Variants in PAX5 observed in about 807,000 individuals in gnomAD.
The protein encoded by PAX5 is paired box protein Pax-5.
PAX5 carries 9 observed loss-of-function variants against 43.7 expected under a neutral mutation model. That is an observed-to-expected ratio of 0.21 (90% CI 0.12 to 0.36). The LOEUF (loss-of-function observed/expected upper bound fraction) is 0.36. PAX5 is among the 10% of genes least tolerant of loss of function. The pLI is 1.00. For missense variants in PAX5, 383 were observed against 532.7 expected (o/e 0.72, Z 2.77); for synonymous variants, 228 against 214.3 (o/e 1.06, Z -0.56).
intron 7 of PAX5, among the ~76,000 whole-genome samples, chr9:36,896,004 G>A (rs1356152431): frequency 6.6e-6 from 1 of 152,110 alleles, no homozygotes; most frequent in Non-Finnish European, 1.5e-5. Flanking sequence ...GTGCCCTCGG[G>A]CAGGTCCCCT....
At chr9:36,886,728 G>A (rs985197324) in intron 7 of PAX5, among the ~76,000 whole-genome samples, 1 of 152,104 alleles carries the variant, frequency 6.6e-6, no homozygotes, top group Non-Finnish European at 1.5e-5. Flanking sequence ...CAATGGCACT[G>A]AATGTTATTG....
In PAX5 at chr9:37,019,537, C is replaced by T. The variant is rs116320774; in HGVS notation, c.212+1099G>A. Among the ~76,000 whole-genome samples the T allele has an allele frequency of 2.8e-3, 424 of 152,316 alleles. 1 individual carries two copies. The highest frequency in any genetic ancestry group is 9.7e-3 in the African/African-American group (404 of 41,548). ...CCAAGGTTATTAGAAGCTGTTGCTC[C>T]TTCCATCTGAGAGAATTTCTTGAAT... On this transcript the variant is annotated intron_variant, in intron 2 of 9. Transcript: ENST00000358127.
intron 5 of PAX5, among the ~76,000 whole-genome samples, chr9:36,974,390 T>C (rs940291461): frequency 8.5e-5 from 13 of 152,198 alleles, no homozygotes; most frequent in African/African-American, 3.1e-4. Flanking sequence ...TGTCAGGCAC[T>C]GAGCCAAGTT....
rs2132408588 is a variant in PAX5, at chr9:37,003,954, T to G, written c.476-1178A>C. On this transcript the variant is annotated intron_variant, in intron 4 of 9. Coordinates refer to ENST00000358127, the MANE Select transcript of PAX5 (RefSeq NM_016734.3). ...TAAACAATGAAGAGCAATAATATACTTCACATGAATGCAGTACTTTTCATT... is the reference window on the plus strand; with the variant it reads ...TAAACAATGAAGAGCAATAATATACGTCACATGAATGCAGTACTTTTCATT... Among the ~76,000 whole-genome samples, 3 of 152,394 alleles carry G rather than the reference T, an allele frequency of 2.0e-5. 1 individual carries two copies. The South Asian group carries it at 6.2e-4, about 32-fold the overall frequency.
At chr9:36,991,108 CAAAAAAA>C (rs58025570) in intron 5 of PAX5, among the ~76,000 whole-genome samples, 6 of 142,914 alleles carry the variant, frequency 4.2e-5, no homozygotes, top group Non-Finnish European at 4.6e-5. Context: ...GACCTTGTCT[CAAAAAAA>C]AAAAAAAAAA....
At chr9:36,951,179 G>C (rs979560339) in intron 6 of PAX5, among the ~76,000 whole-genome samples, 8 of 152,176 alleles carry the variant, frequency 5.3e-5, no homozygotes, top group Non-Finnish European at 1.2e-4. Flanking sequence ...TTCCTTCCAG[G>C]AGTTCAAAAA....
intron 5 of PAX5, among the ~76,000 whole-genome samples, chr9:36,973,344 G>C (rs1835136369): frequency 6.6e-6 from 1 of 152,124 alleles, no homozygotes; most frequent in Admixed American, 6.5e-5. Flanking sequence ...TGCCTCCCTT[G>C]TGAAGATGGG....
chr9:36,861,247 C>G (rs1406152124), intron 8 of PAX5: 1 of 151,722 alleles, frequency 6.6e-6, no homozygotes, highest in African/African-American at 2.4e-5. Context: ...TGAGGGCCTA[C>G]TAGGTACCAG....
At chr9:36,874,637 C>G (rs1468682926) in intron 8 of PAX5, among the ~76,000 whole-genome samples, 1 of 152,210 alleles carries the variant, frequency 6.6e-6, no homozygotes, top group Non-Finnish European at 1.5e-5. Context: ...TTGCACCAAC[C>G]ACAGCTGCCT....
chr9:36,978,669 A>T (rs1342733042), intron 5 of PAX5, among the ~76,000 whole-genome samples: 2 of 152,204 alleles, frequency 1.3e-5, no homozygotes, highest in Non-Finnish European at 1.5e-5. Flanking sequence ...TCATTGCACA[A>T]ATGTTTTCAG....
In PAX5 at chr9:36,934,947, G is replaced by A. The variant is rs528601118; in HGVS notation, c.781-11463C>T. On this transcript the variant is annotated intron_variant, in intron 6 of 9. Transcript: ENST00000358127. ...ACCATGGCCTGGCTCTTCCAACGGT[G>A]CCAGAGGTGCTTCCCAGGGTCACTG... Among the ~76,000 whole-genome samples the A allele has an allele frequency of 6.6e-5, 10 of 152,350 alleles. No individual in the cohort carries two copies. The South Asian group carries it at 2.1e-3, about 32-fold the overall frequency.
intron 7 of PAX5, among the ~76,000 whole-genome samples, chr9:36,898,587 C>T (rs995601426): frequency 6.6e-6 from 1 of 152,194 alleles, no homozygotes; most frequent in African/African-American, 2.4e-5. Flanking sequence ...AGCTTCTTGA[C>T]GGGAAATGCT....
chr9:36,892,188 G>A (rs553952101), intron 7 of PAX5, among the ~76,000 whole-genome samples: 123 of 152,296 alleles, frequency 8.1e-4, no homozygotes, highest in African/African-American at 2.6e-3. Flanking sequence ...CTGCCACGAC[G>A]GGGACTGCTC....
chr9:36,862,429 G>A (rs114740663), intron 8 of PAX5, among the ~76,000 whole-genome samples: 3 of 152,276 alleles, frequency 2.0e-5, no homozygotes, highest in East Asian at 3.9e-4. Flanking sequence ...TCTGGGGTGG[G>A]AATAGATGCG....
At chr9:36,980,774 A>G (rs115424519) in intron 5 of PAX5, among the ~76,000 whole-genome samples, 99 of 152,188 alleles carry the variant, frequency 6.5e-4, no homozygotes, top group African/African-American at 2.2e-3. Context: ...GGTGATTAGG[A>G]GAGAAGGTAT....
In PAX5 at chr9:37,030,013, C is replaced by T. The variant is rs573215323; in HGVS notation, c.46+3973G>A. On this transcript the variant is annotated intron_variant, in intron 1 of 9. Transcript: ENST00000358127. ...TCGAAGAACTCGGCTGGAATATGCC[C>T]GCACACGCAGGTTTTCCTTCGGATA... 3.3e-5 allele frequency among the ~76,000 whole-genome samples: 5 copies of T among 152,214 alleles called. No individual in the cohort carries two copies. In the East Asian group the frequency reaches 9.6e-4, roughly 29 times the overall value.
chr9:36,943,529 TAC>T (rs1554668821), intron 6 of PAX5, among the ~76,000 whole-genome samples: 9,518 of 145,932 alleles, frequency 0.065, 833 homozygotes, highest in African/African-American at 0.2. Flanking sequence ...TAGTTCAACA[TAC>T]ACACACACAC....
At chr9:36,990,416 A>T (rs1836827331) in intron 5 of PAX5, among the ~76,000 whole-genome samples, 1 of 152,086 alleles carries the variant, frequency 6.6e-6, no homozygotes, top group Non-Finnish European at 1.5e-5. Context: ...AAAAGAGGAG[A>T]GTGGAGAGGG....
At chr9:36,878,249 T>C (rs1040740992) in intron 8 of PAX5, among the ~76,000 whole-genome samples, 1 of 152,222 alleles carries the variant, frequency 6.6e-6, no homozygotes, top group Non-Finnish European at 1.5e-5. Flanking sequence ...CAGGTCCATA[T>C]AATTTCCCTC....
Sources: gnomAD v4.1 joint callset for allele counts (sites outside exome capture counted in the v4.1 genomes callset) on GRCh38, gnomAD v4.1.1 for gene constraint, MANE v1.5 for transcripts, NCBI Gene and HGNC (gene_info 2026-07-23, HGNC 2026-07-21) for gene names.